Variants in CUX1 observed in about 807,000 individuals in gnomAD.
The protein encoded by CUX1 is cut like homeobox 1, also known as protein CASP.
CUX1 carries 31 observed loss-of-function variants against 158.8 expected under a neutral mutation model. The observed-to-expected ratio is 0.20, with a 90% CI of 0.15 to 0.26. The LOEUF (loss-of-function observed/expected upper bound fraction) is 0.26. Among genes scored for constraint, CUX1 ranks in the 10% least tolerant of loss-of-function variants. CUX1 has a pLI of 1.00. For missense variants in CUX1, 1,589 were observed against 2,014.6 expected (o/e 0.79, Z 4.04); for synonymous variants, 879 against 862.1 (o/e 1.02, Z -0.34).
intron 2 of CUX1, among the ~76,000 whole-genome samples, chr7:101,996,544 A>G (rs1477323358): frequency 6.6e-6 from 1 of 151,988 alleles, no homozygotes; most frequent in Non-Finnish European, 1.5e-5. Context: ...AGGCAGAGGC[A>G]GGCGCACAGT....
intron 1 of CUX1, among the ~76,000 whole-genome samples, chr7:101,872,255 T>G (rs1798646259): frequency 6.6e-6 from 1 of 152,094 alleles, no homozygotes; most frequent in Non-Finnish European, 1.5e-5. Context: ...TGCTGCAGTC[T>G]CCCGAGTAGC....
intron 1 of CUX1, among the ~76,000 whole-genome samples, chr7:101,890,772 T>C (rs969835251): frequency 1.1e-4 from 16 of 152,202 alleles, no homozygotes; most frequent in Non-Finnish European, 2.2e-4. Context: ...ATTTAGTTAA[T>C]GAATTGGGCA....
intron 11 of CUX1, among the ~76,000 whole-genome samples, chr7:102,179,464 A>G (rs932161761): frequency 9.2e-5 from 14 of 152,206 alleles, no homozygotes; most frequent in Admixed American, 5.9e-4. Flanking sequence ...CCAGAGGTCC[A>G]TGGAAGTCAC....
intron 12 of CUX1, among the ~76,000 whole-genome samples, chr7:102,192,059 C>A (rs1424799581): frequency 6.6e-6 from 1 of 152,212 alleles, no homozygotes; most frequent in Non-Finnish European, 1.5e-5. Context: ...CAGGTGGCTT[C>A]TTTGCCCAAA....
At chr7:101,841,629 C>T (rs1795206734) in intron 1 of CUX1, among the ~76,000 whole-genome samples, 3 of 152,066 alleles carry the variant, frequency 2.0e-5, no homozygotes, top group Admixed American at 2.0e-4. Context: ...GTGATCTTGG[C>T]TCACTGCAGC....
At chr7:101,873,022 A>C (rs895914842) in intron 1 of CUX1, among the ~76,000 whole-genome samples, 1 of 151,706 alleles carries the variant, frequency 6.6e-6, no homozygotes, top group African/African-American at 2.4e-5. Flanking sequence ...ACAGGCATGC[A>C]CTGTCATGGC....
At chr7:102,278,067 TG>T in intron 18 of CUX1, 1 of 1,602,166 alleles carries the variant, frequency 6.2e-7, no homozygotes, top group South Asian at 1.1e-5. Context: ...CCTGGCCGGG[TG>T]AGGGCCCTCC....
At chr7:102,176,807 G>A (rs998703569) in intron 10 of CUX1, among the ~76,000 whole-genome samples, 14 of 151,584 alleles carry the variant, frequency 9.2e-5, no homozygotes, top group Admixed American at 6.6e-5. Flanking sequence ...TCTTGAGCTC[G>A]GGTGATCCAC....
intron 8 of CUX1, among the ~76,000 whole-genome samples, chr7:102,120,868 A>T (rs1213078142): frequency 6.6e-6 from 1 of 152,184 alleles, no homozygotes; most frequent in Non-Finnish European, 1.5e-5. Context: ...GTTTGAGACC[A>T]GCCTGGGCAA....
At chr7:101,982,473 CTGGAGTACTGTGTTG>C (rs1354659125) in intron 2 of CUX1, among the ~76,000 whole-genome samples, 1 of 151,782 alleles carries the variant, frequency 6.6e-6, no homozygotes, top group African/African-American at 2.4e-5. Flanking sequence ...GTCGCCCAGG[CTGGAGTACTGTGTTG>C]TGATCTTGGC....
At chr7:102,216,774 ACT>A (rs1349875902) in intron 20 of CUX1, among the ~76,000 whole-genome samples, 205 of 124,340 alleles carry the variant, frequency 1.6e-3, no homozygotes, top group Non-Finnish European at 2.8e-3. Context: ...TTCCACACAC[ACT>A]CTCCCACACA....
chr7:102,142,171 C>T (rs554129894), intron 8 of CUX1, among the ~76,000 whole-genome samples: 122 of 152,236 alleles, frequency 8.0e-4, no homozygotes, highest in Admixed American at 5.4e-3. Flanking sequence ...TTTTGTGCAG[C>T]GCAGGAGGCA....
intron 2 of CUX1, among the ~76,000 whole-genome samples, chr7:101,962,113 T>A (rs1810572739): frequency 6.6e-6 from 1 of 152,304 alleles, no homozygotes; most frequent in African/African-American, 2.4e-5. Flanking sequence ...ACATATTCCT[T>A]CTGTGATCAG....
chr7:101,965,253 G>T (rs1811028181), intron 2 of CUX1, among the ~76,000 whole-genome samples: 2 of 152,152 alleles, frequency 1.3e-5, no homozygotes, highest in South Asian at 4.1e-4. Context: ...CAGGTCCTTG[G>T]TGTGGGCGAG....
chr7:101,995,279 C>G (rs1815703590), intron 2 of CUX1, among the ~76,000 whole-genome samples: 1 of 152,172 alleles, frequency 6.6e-6, no homozygotes, highest in Non-Finnish European at 1.5e-5. Flanking sequence ...CTCACTTATC[C>G]CTGCCACGTG....
chr7:101,931,770 C>T (rs1290637999), intron 2 of CUX1, among the ~76,000 whole-genome samples: 2 of 152,058 alleles, frequency 1.3e-5, no homozygotes, highest in African/African-American at 2.4e-5. Flanking sequence ...CACTATGTTA[C>T]GCACGCTGGT....
At chr7:102,013,266 A>G (rs1818239267) in intron 2 of CUX1, among the ~76,000 whole-genome samples, 1 of 152,222 alleles carries the variant, frequency 6.6e-6, no homozygotes, top group Admixed American at 6.5e-5. Flanking sequence ...AGCTAATGTC[A>G]AGATGGAGAT....
Position 102,252,703 on chromosome 7 carries a change from C to A in CUX1, c.*3661C>A. 1 of 985,422 alleles carries A rather than the reference C, an allele frequency of 1.0e-6. No homozygotes were observed. The highest frequency in any genetic ancestry group is 1.2e-6 in the Non-Finnish European group (1 of 829,942). 61.0% of individuals were successfully genotyped at this position (985,422 alleles called of 1,614,324 possible). A position where few individuals can be genotyped will look rare whatever the true frequency, so the allele number is the denominator to read the frequency against. On this transcript the variant is annotated 3_prime_UTR_variant, in exon 24 of 24. Coordinates refer to ENST00000292535, the MANE Select transcript of CUX1 (RefSeq NM_181552.4). ...TCCTAGACCTGTGCCCAACTCACTTCCACCCCAGAGGAGTCTTCTGTCCTC... is the reference window on the plus strand; with the variant it reads ...TCCTAGACCTGTGCCCAACTCACTTACACCCCAGAGGAGTCTTCTGTCCTC...
rs1801207704 is a variant in CUX1, at chr7:102,249,220, G to A, written c.*178G>A. On this transcript the variant is annotated 3_prime_UTR_variant, in exon 24 of 24. Transcript: ENST00000292535. ...CACGGTCCGCGGCCTGCACCGACCC[G>A]AGGCCCAGATCCAAGGCCGCGGCCC... is the stretch of plus-strand genomic sequence containing the variant. 2 of 1,101,188 alleles carry A rather than the reference G, an allele frequency of 1.8e-6. No homozygotes were observed. Among genetic ancestry groups the A allele is most frequent in the Non-Finnish European group, 2.2e-6 (2 of 903,672 alleles). The allele number at this position is 1,101,188 out of a possible 1,614,324, so 68.2% of individuals were successfully genotyped here. A position where few individuals can be genotyped will look rare whatever the true frequency, so the allele number is the denominator to read the frequency against.
Sources: allele counts gnomAD v4.1 joint callset (sites outside exome capture counted in the v4.1 genomes callset), GRCh38; gene constraint gnomAD v4.1.1; transcripts MANE v1.5; gene names NCBI Gene and HGNC (gene_info 2026-07-23, HGNC 2026-07-21).